TCF4: variants seen among roughly 807,000 people sequenced by gnomAD.
TCF4 encodes SL3-3 enhancer factor 2.
Under a neutral mutation model 82.1 loss-of-function variants are expected in TCF4, and 3 were observed. The ratio of observed to expected loss-of-function variants is 0.04; its 90% CI spans 0.02 to 0.09. TCF4 has a LOEUF of 0.09. Ranked by LOEUF, TCF4 falls within the 10% of genes least tolerant of loss-of-function variation. The probability of loss-of-function intolerance (pLI) is 1.00; values close to 1 mark genes in which losing one functional copy is unlikely to be tolerated. For synonymous variants in TCF4, 276 were observed against 309.6 expected, an observed-to-expected ratio of 0.89 and a Z score of 1.14; for missense variants, 518 against 852.7, an observed-to-expected ratio of 0.61 and a Z score of 4.89.
intron 5 of TCF4, among the ~76,000 whole-genome samples, chr18:55,410,305 T>TC (rs1341668679): frequency 2.6e-5 from 4 of 152,132 alleles, no homozygotes; most frequent in Admixed American, 2.0e-4. Flanking sequence ...CATCACTGAT[T>TC]CCCCTCATCT....
intron 6 of TCF4, chr18:55,402,382 G>A (rs764351007): frequency 1.9e-4 from 44 of 227,178 alleles, no homozygotes; most frequent in Non-Finnish European, 2.0e-4. Context: ...ACATTTTTCA[G>A]GGGTATATTA....
intron 15 of TCF4, among the ~76,000 whole-genome samples, chr18:55,252,358 TTGTG>T (rs3831430): frequency 5.0e-4 from 75 of 149,898 alleles, no homozygotes; most frequent in African/African-American, 1.5e-3. Flanking sequence ...TTTATTGCTT[TTGTG>T]TGTGTGTGTG....
intron 8 of TCF4, among the ~76,000 whole-genome samples, chr18:55,349,747 C>G (rs2081952010): frequency 6.6e-6 from 1 of 151,112 alleles, no homozygotes; most frequent in Non-Finnish European, 1.5e-5. Context: ...TACTAGGGAC[C>G]TGGGGGTGGG....
intron 8 of TCF4, among the ~76,000 whole-genome samples, chr18:55,327,591 A>G (rs548183854): frequency 9.2e-5 from 14 of 152,144 alleles, no homozygotes; most frequent in African/African-American, 3.4e-4. Context: ...GGTTTATCAC[A>G]TGATCAAATA....
chr18:55,349,018 A>C (rs761287940), intron 8 of TCF4, among the ~76,000 whole-genome samples: 19 of 152,180 alleles, frequency 1.2e-4, no homozygotes, highest in Non-Finnish European at 2.4e-4. Flanking sequence ...TCAAGCTTAA[A>C]ATATGCTTAT....
At chr18:55,322,109 T>C (rs2075706850) in intron 8 of TCF4, 1 of 1,027,718 alleles carries the variant, frequency 9.7e-7, no homozygotes, top group East Asian at 5.1e-5. Flanking sequence ...TTTTTCCTTT[T>C]TTTTTTTTTT....
intron 3 of TCF4, among the ~76,000 whole-genome samples, chr18:55,491,342 G>A (rs919539954): frequency 2.0e-5 from 3 of 152,118 alleles, no homozygotes; most frequent in Admixed American, 6.6e-5. Context: ...AAACAGGGGT[G>A]CAAAGGATAC....
chr18:55,301,545 A>T (rs981650947), intron 8 of TCF4, among the ~76,000 whole-genome samples: 1 of 152,140 alleles, frequency 6.6e-6, no homozygotes, highest in African/African-American at 2.4e-5. Flanking sequence ...ACAAACAACT[A>T]ACTTATTCTA....
chr18:55,392,627 T>A (rs1793945750), intron 6 of TCF4, among the ~76,000 whole-genome samples: 1 of 152,176 alleles, frequency 6.6e-6, no homozygotes, highest in Admixed American at 6.5e-5. Flanking sequence ...TTTGGGACAG[T>A]ATTCACCTCT....
chr18:55,464,175 G>C (rs140713316), intron 3 of TCF4, 38 bp from the exon 4 acceptor site: 7 of 1,597,254 alleles, frequency 4.4e-6, no homozygotes, highest in Non-Finnish European at 6.0e-6. Context: ...CTTTCTTGCA[G>C]TAATTTTTTC....
At chr18:55,340,455 G>C (rs578116510) in intron 8 of TCF4, among the ~76,000 whole-genome samples, 6 of 151,832 alleles carry the variant, frequency 4.0e-5, no homozygotes, top group African/African-American at 1.4e-4. Context: ...TGGTGGTTGT[G>C]AACCTGTGTA....
chr18:55,333,519 A>G (rs2078011805), intron 8 of TCF4, among the ~76,000 whole-genome samples: 1 of 152,132 alleles, frequency 6.6e-6, no homozygotes. Context: ...ATTCCCCAAT[A>G]TATCTTAATT....
At chr18:55,582,312 C>T (rs1483920236) in intron 3 of TCF4, among the ~76,000 whole-genome samples, 1 of 152,000 alleles carries the variant, frequency 6.6e-6, no homozygotes, top group African/African-American at 2.4e-5. Flanking sequence ...ATATTAAATC[C>T]CTTTGTTTAA....
chr18:55,540,793 T>G (rs987250667), intron 3 of TCF4, among the ~76,000 whole-genome samples: 2 of 152,062 alleles, frequency 1.3e-5, no homozygotes, highest in African/African-American at 4.8e-5. Flanking sequence ...TGTTTTTTGA[T>G]ATTTCAGGAT....
At chr18:55,301,095 A>G (rs900544682) in intron 8 of TCF4, among the ~76,000 whole-genome samples, 1 of 152,162 alleles carries the variant, frequency 6.6e-6, no homozygotes, top group Non-Finnish European at 1.5e-5. Flanking sequence ...CCAGTGAGAT[A>G]GTGGGAAAGT....
In TCF4 at chr18:55,635,704, TC is replaced by T. The variant is rs2097735720; in HGVS notation, c.193del (p.Glu65SerfsTer48). On this transcript the variant is annotated frameshift_variant and splice_region_variant, in exon 1 of 21. Transcript: ENST00000398339. LOFTEE classifies it high-confidence loss of function. ...AGTAGCCCAAATGCTGGTTCCTACC[TC>T]CAAGGGCCTCCTGGAGAAGCTCGAG... 6.5e-7 allele frequency: 1 copy of T among 1,548,888 alleles called. No individual in the cohort carries two copies. The highest frequency in any genetic ancestry group is 1.4e-5 in the African/African-American group (1 of 72,954).
In TCF4 at chr18:55,232,691, A is replaced by G. The variant is rs1168127852; in HGVS notation, c.1487-20T>C. On this transcript the variant is annotated intron_variant, in intron 16 of 19. Transcript: ENST00000354452. ...GCATGCCTGCCGAAAAAGAGAAATC[A>G]GGTGACATGTACACCACAATCTCAC... 1 of 1,614,066 alleles carries G rather than the reference A, an allele frequency of 6.2e-7. No individual in the cohort carries two copies. Among genetic ancestry groups the G allele is most frequent in the East Asian group, 2.2e-5 (1 of 44,868 alleles).
chr18:55,451,239 C>A (rs538161197), intron 5 of TCF4, among the ~76,000 whole-genome samples: 3 of 152,202 alleles, frequency 2.0e-5, no homozygotes, highest in Admixed American at 6.5e-5. Flanking sequence ...ACGAAAATGA[C>A]AGATGACCAG....
At chr18:55,564,819 A>G (rs1457670463) in intron 3 of TCF4, among the ~76,000 whole-genome samples, 7 of 152,204 alleles carry the variant, frequency 4.6e-5, no homozygotes, top group African/African-American at 1.4e-4. Flanking sequence ...ACTATGTGTT[A>G]GAAATGGGCT....
Sources: allele counts gnomAD v4.1 joint callset (sites outside exome capture counted in the v4.1 genomes callset), GRCh38; gene constraint gnomAD v4.1.1; transcripts MANE v1.5; gene names NCBI Gene and HGNC (gene_info 2026-07-23, HGNC 2026-07-21).